The following NFATC1 variants were observed in gnomAD, a reference collection of about 807,000 sequenced individuals.
NFATC1 encodes the protein nuclear factor of activated T-cells, cytoplasmic 1.
In NFATC1, 22 loss-of-function variants were observed where a neutral mutation model predicts 76.0. The observed-to-expected ratio is 0.29, with a 90% CI of 0.21 to 0.41. The LOEUF is 0.41. Ranked by LOEUF, NFATC1 falls within the 10% of genes least tolerant of loss-of-function variation. The probability of loss-of-function intolerance (pLI) is 1.00; values close to 1 mark genes in which losing one functional copy is unlikely to be tolerated. For synonymous variants in NFATC1, 704 were observed against 613.1 expected (o/e 1.15, Z -2.19); for missense variants, 1,357 against 1,337.7 (o/e 1.01, Z -0.23).
At position 79,431,611 on chromosome 18, in the gene NFATC1, G is replaced by A. The variant is rs568206257; in HGVS notation, c.1227-1968G>A. 3.3e-5 allele frequency among the ~76,000 whole-genome samples: 5 copies of A among 150,764 alleles called. No homozygotes were observed. The East Asian group carries it at 5.9e-4, about 18-fold the overall frequency. On this transcript the variant is annotated intron_variant, in intron 2 of 9. Coordinates refer to ENST00000427363, the MANE Select transcript of NFATC1 (RefSeq NM_001278669.2). ...TCTCCATGTTGCCCAGGCTGGTCTC[G>A]AACTCCTGAGCTCAAGTGATCTGTT...
rs758739785 is a variant in NFATC1 at position 79,527,627 on chromosome 18, A to G, written c.*50A>G. 1.9e-6 allele frequency: 3 copies of G among 1,548,030 alleles called. No individual in the cohort carries two copies. Among genetic ancestry groups the G allele is most frequent in the East Asian group, 2.2e-5 (1 of 44,578 alleles). ...AGCAGGGGTATGCTGACTTCAGCAGACAAAGACTTTTGAATAAATAAACTG... is the reference window on the plus strand; with the variant it reads ...AGCAGGGGTATGCTGACTTCAGCAGGCAAAGACTTTTGAATAAATAAACTG... On this transcript the variant is annotated 3_prime_UTR_variant, in exon 10 of 10. Transcript: ENST00000427363.
chr18:79,431,772 G>A lies in NFATC1; in HGVS notation c.1227-1807G>A, dbSNP rs1012302141. ...GGCTGGAGTGCAGTGGCGCGATCTC[G>A]GCTCACTGCAACCTCCTCCTCTTCG... On this transcript the variant is annotated intron_variant, in intron 2 of 9. Transcript: ENST00000427363. 2.6e-5 allele frequency among the ~76,000 whole-genome samples: 4 copies of A among 152,046 alleles called. No homozygotes were observed. In the South Asian group the frequency reaches 6.2e-4, roughly 24 times the overall value.
intron 9 of NFATC1, among the ~76,000 whole-genome samples, chr18:79,495,603 C>G (rs1209799779): frequency 6.6e-6 from 1 of 152,218 alleles, no homozygotes; most frequent in Non-Finnish European, 1.5e-5. Context: ...GGGCAATGAG[C>G]ACTGTTTAGA....
chr18:79,498,563 C>T (rs2089949485), intron 9 of NFATC1, among the ~76,000 whole-genome samples: 1 of 152,172 alleles, frequency 6.6e-6, no homozygotes, highest in African/African-American at 2.4e-5. Flanking sequence ...AACACATATA[C>T]ACATGCATAA....
chr18:79,448,477 G>T (rs1175065553), intron 3 of NFATC1: 11 of 420,134 alleles, frequency 2.6e-5, no homozygotes, highest in Non-Finnish European at 4.7e-5. Flanking sequence ...CGAGGGCTCC[G>T]CTTTCCTGCA....
rs200267883 is a variant in NFATC1, at chr18:79,506,399, G to T, written c.2782+19462G>T. Among the ~76,000 whole-genome samples, 10 of 152,330 alleles carry T rather than the reference G, an allele frequency of 6.6e-5. No individual in the cohort carries two copies. The East Asian group carries it at 1.7e-3, about 26-fold the overall frequency. Reference sequence around the variant, plus strand: ...ACCTCCGGTGACCAGGCCTCTCCCAGGGACCCTCTGTGCTGGCCCGGCACC... The same window carrying T: ...ACCTCCGGTGACCAGGCCTCTCCCATGGACCCTCTGTGCTGGCCCGGCACC... On this transcript the variant is annotated intron_variant, in intron 9 of 9. Coordinates refer to ENST00000427363, the MANE Select transcript of NFATC1 (RefSeq NM_001278669.2).
chr18:79,444,180 C>T (rs1568969148), intron 3 of NFATC1, among the ~76,000 whole-genome samples: 1 of 152,156 alleles, frequency 6.6e-6, no homozygotes, highest in African/African-American at 2.4e-5. Flanking sequence ...GGGTCAGAGG[C>T]TTGTCACATG....
intron 2 of NFATC1, among the ~76,000 whole-genome samples, chr18:79,423,383 T>C (rs2086168068): frequency 6.6e-6 from 1 of 152,258 alleles, no homozygotes; most frequent in Non-Finnish European, 1.5e-5. Flanking sequence ...GGACGGAGGC[T>C]GCCCATGCAC....
chr18:79,421,612 G>C (rs2086095785), intron 2 of NFATC1: 1 of 152,486 alleles, frequency 6.6e-6, no homozygotes, highest in African/African-American at 2.4e-5. Flanking sequence ...TTCGGTTCTG[G>C]ACAGGTGCGG....
At chr18:79,439,459 C>A (rs920743134) in intron 3 of NFATC1, among the ~76,000 whole-genome samples, 1 of 152,222 alleles carries the variant, frequency 6.6e-6, no homozygotes, top group Admixed American at 6.5e-5. Context: ...TGCCAAATGC[C>A]GGAGGCCTGC....
chr18:79,418,078 A>T (rs1478985549), intron 2 of NFATC1, among the ~76,000 whole-genome samples: 1 of 152,116 alleles, frequency 6.6e-6, no homozygotes, highest in African/African-American at 2.4e-5. Context: ...CCCTGCCACC[A>T]TGGGGTGGGT....
intron 9 of NFATC1, among the ~76,000 whole-genome samples, chr18:79,513,169 C>T (rs2090300286): frequency 6.6e-6 from 1 of 152,262 alleles, no homozygotes; most frequent in Admixed American, 6.5e-5. Flanking sequence ...TGTGTCAACT[C>T]CCGTCGGCGT....
intron 9 of NFATC1, among the ~76,000 whole-genome samples, chr18:79,489,033 C>A (rs1234192172): frequency 6.6e-6 from 1 of 152,202 alleles, no homozygotes; most frequent in Non-Finnish European, 1.5e-5. Flanking sequence ...GGACTGTTGA[C>A]CCGCACGGTG....
Position 79,432,897 on chromosome 18 carries a change from A to G in NFATC1, c.1227-682A>G, listed in dbSNP as rs751409637. 1.9e-3 allele frequency among the ~76,000 whole-genome samples: 282 copies of G among 152,306 alleles called. 2 individuals carry two copies. Among genetic ancestry groups the G allele is most frequent in the Non-Finnish European group, 2.5e-3 (168 of 68,014 alleles). On this transcript the variant is annotated intron_variant, in intron 2 of 9. Transcript: ENST00000427363. Reference sequence around the variant, plus strand: ...GCCGTGGGGCCCCCAGCTGGGCTGTAGGCTCTGAGGACAGCCCCAGCACCT... The same window carrying G: ...GCCGTGGGGCCCCCAGCTGGGCTGTGGGCTCTGAGGACAGCCCCAGCACCT...
chr18:79,488,747 C>T (rs997005902), intron 9 of NFATC1, among the ~76,000 whole-genome samples: 12 of 152,194 alleles, frequency 7.9e-5, no homozygotes, highest in African/African-American at 1.2e-4. Context: ...TTGTCTCACG[C>T]GGTACCAGGT....
intron 1 of NFATC1, among the ~76,000 whole-genome samples, chr18:79,404,576 T>TG (rs1234846278): frequency 6.6e-6 from 1 of 152,210 alleles, no homozygotes; most frequent in African/African-American, 2.4e-5. Context: ...CAGCAGTGCC[T>TG]GGGGGTCGAC....
At position 79,410,161 on chromosome 18, in the gene NFATC1, G is replaced by C. The variant is rs1453578831; in HGVS notation, c.128-242G>C. 20 of 757,988 alleles carry C rather than the reference G, an allele frequency of 2.6e-5. No homozygotes were observed. The highest frequency in any genetic ancestry group is 4.3e-5 in the Non-Finnish European group (18 of 417,580). The allele number at this position is 757,988 out of a possible 1,614,324, so 47.0% of individuals were successfully genotyped here. ...CGTTCGGGGGCTTGTGCTGCTGTTA[G>C]GGGAGGAGGGGAGGTGGGCAGTGAG... is the stretch of plus-strand genomic sequence containing the variant. On this transcript the variant is annotated intron_variant, in intron 1 of 9. Transcript: ENST00000427363. The surrounding 1 kb of genome is among the most constrained non-coding windows in gnomAD (Gnocchi z 6.7).
At chr18:79,470,241 G>A (rs2088723717) in intron 8 of NFATC1, 1 of 153,606 alleles carries the variant, frequency 6.5e-6, no homozygotes, top group Non-Finnish European at 1.4e-5. Context: ...GGTGTGGGTG[G>A]AAGACAGCTG....
At position 79,460,858 on chromosome 18, in the gene NFATC1, C is replaced by T. The variant is rs546050952; in HGVS notation, c.1904-453C>T. 3.3e-5 allele frequency among the ~76,000 whole-genome samples: 5 copies of T among 152,294 alleles called. No individual in the cohort carries two copies. In the South Asian group the frequency reaches 8.3e-4, roughly 25 times the overall value. ...GAACTGCAGAGCCGGGTCCCAGGTC[C>T]ACGCACAGACGCCCTGCACACGCTC... is the stretch of plus-strand genomic sequence containing the variant. On this transcript the variant is annotated intron_variant, in intron 6 of 9. Transcript: ENST00000427363.
Sources: allele counts gnomAD v4.1 joint callset (sites outside exome capture counted in the v4.1 genomes callset), GRCh38; gene constraint gnomAD v4.1.1; non-coding constraint Gnocchi (gnomAD v3.1); transcripts MANE v1.5; gene names NCBI Gene and HGNC (gene_info 2026-07-23, HGNC 2026-07-21).